Variants in NEK6 observed in about 807,000 individuals in gnomAD.
NEK6 encodes the protein serine/threonine-protein kinase Nek6.
A neutral mutation model predicts 43.5 loss-of-function variants in NEK6; 27 were observed. The observed-to-expected ratio is 0.62, with a 90% CI of 0.46 to 0.86. The LOEUF is 0.86. NEK6 is among the 40% of genes least tolerant of loss of function. NEK6 has a pLI of 0.00. For synonymous variants in NEK6, 167 were observed against 164.1 expected (o/e 1.02, Z -0.14); for missense variants, 318 against 414.4 (o/e 0.77, Z 2.02).
intron 1 of NEK6, among the ~76,000 whole-genome samples, chr9:124,280,863 G>A (rs1396638242): frequency 1.3e-5 from 2 of 152,110 alleles, no homozygotes; most frequent in East Asian, 3.8e-4. Flanking sequence ...CGTGATCTCG[G>A]CTCACTGCAG....
intron 2 of NEK6, among the ~76,000 whole-genome samples, chr9:124,310,992 G>A (rs2130852322): frequency 6.6e-6 from 1 of 152,338 alleles, no homozygotes; most frequent in South Asian, 2.1e-4. Flanking sequence ...CACATAACCA[G>A]GTTCCCCTCA....
At chr9:124,346,716 C>T (rs1829946782) in intron 8 of NEK6, among the ~76,000 whole-genome samples, 1 of 152,142 alleles carries the variant, frequency 6.6e-6, no homozygotes, top group South Asian at 2.1e-4. Flanking sequence ...GCCACTGTGG[C>T]CCCTGCACAC....
intron 8 of NEK6, among the ~76,000 whole-genome samples, chr9:124,345,499 G>A (rs2131083847): frequency 6.6e-6 from 1 of 152,344 alleles, no homozygotes; most frequent in South Asian, 2.1e-4. Flanking sequence ...AAAGAGCAGA[G>A]ACATGATGGG....
At chr9:124,308,259 C>T (rs1349109372) in intron 2 of NEK6, among the ~76,000 whole-genome samples, 3 of 152,188 alleles carry the variant, frequency 2.0e-5, no homozygotes, top group Non-Finnish European at 4.4e-5. Context: ...CAGTGGTTAC[C>T]CCTCTGCCAA....
At chr9:124,333,473 G>C (rs1829124128) in intron 7 of NEK6, among the ~76,000 whole-genome samples, 1 of 152,222 alleles carries the variant, frequency 6.6e-6, no homozygotes, top group Admixed American at 6.5e-5. Flanking sequence ...TGAGGACCCT[G>C]TGCTGCCAGG....
intron 1 of NEK6, among the ~76,000 whole-genome samples, chr9:124,299,014 C>A (rs989071778): frequency 6.6e-6 from 1 of 152,234 alleles, no homozygotes; most frequent in Non-Finnish European, 1.5e-5. Context: ...TTGGAGAATG[C>A]GGTCAGCGCC....
At chr9:124,259,802 A>G (rs75013323) in intron 1 of NEK6, among the ~76,000 whole-genome samples, 290 of 152,338 alleles carry the variant, frequency 1.9e-3, no homozygotes, top group Middle Eastern at 0.014. Flanking sequence ...TGCTTCGGAA[A>G]TGACTAAAAA....
At chr9:124,336,570 C>T (rs1001532180) in intron 7 of NEK6, among the ~76,000 whole-genome samples, 1 of 152,224 alleles carries the variant, frequency 6.6e-6, no homozygotes, top group African/African-American at 2.4e-5. Context: ...TCCCCTCTTC[C>T]TCATGTCACA....
chr9:124,285,392 C>G (rs189986263), intron 1 of NEK6, among the ~76,000 whole-genome samples: 1 of 152,132 alleles, frequency 6.6e-6, no homozygotes, highest in African/African-American at 2.4e-5. Context: ...TCTCAGAGGC[C>G]GACCTGCATG....
At chr9:124,280,503 A>G (rs554947227) in intron 1 of NEK6, among the ~76,000 whole-genome samples, 1 of 152,306 alleles carries the variant, frequency 6.6e-6, no homozygotes, top group African/African-American at 2.4e-5. Flanking sequence ...TGGAGAAGAA[A>G]CATTCCTCAC....
chr9:124,349,472 G>A (rs936196604), intron 9 of NEK6, among the ~76,000 whole-genome samples: 10 of 152,144 alleles, frequency 6.6e-5, no homozygotes, highest in East Asian at 1.9e-4. Flanking sequence ...TCCTGGCCAC[G>A]AGCCCCCACT....
chr9:124,331,222 C>T lies in NEK6; in HGVS notation c.622+3777C>T, dbSNP rs368327703. Among the ~76,000 whole-genome samples, 25 of 129,088 alleles carry T rather than the reference C, an allele frequency of 1.9e-4. No homozygotes were observed. The East Asian group carries it at 3.8e-3, about 19-fold the overall frequency. 84.7% of individuals were successfully genotyped at this position (129,088 alleles called of 152,430 possible). On this transcript the variant is annotated intron_variant, in intron 7 of 9. Transcript: ENST00000320246. ...TGAAGGTTGCAGTCAGCTGAGATGGCGCCATTGCACTTCAGCCTGGGCGAG... is the reference window on the plus strand; with the variant it reads ...TGAAGGTTGCAGTCAGCTGAGATGGTGCCATTGCACTTCAGCCTGGGCGAG...
intron 1 of NEK6, among the ~76,000 whole-genome samples, chr9:124,270,966 A>C (rs1481698334): frequency 6.6e-6 from 1 of 152,236 alleles, no homozygotes; most frequent in Non-Finnish European, 1.5e-5. Flanking sequence ...CATAGCACCC[A>C]CACACACATT....
At chr9:124,327,261 C>T (rs941471747) in intron 6 of NEK6, 77 bp from the exon 7 acceptor site, 4 of 1,199,572 alleles carry the variant, frequency 3.3e-6, no homozygotes, top group Non-Finnish European at 4.9e-6. Flanking sequence ...CCTCACCTTC[C>T]TCCCCCTTCC....
rs918651489 is a variant in NEK6 at position 124,326,812 on chromosome 9, A to T, written c.514+374A>T. Among the ~76,000 whole-genome samples, 1 of 152,094 alleles carries T rather than the reference A, an allele frequency of 6.6e-6. No individual in the cohort carries two copies. Among genetic ancestry groups the T allele is most frequent in the Non-Finnish European group, 1.5e-5 (1 of 68,012 alleles). The stretch of plus-strand genomic sequence containing the variant: ...GAGGGGTGTTTCCACAGTTGACATG[A>T]TTCCGAGTTGTGAGAAAGGAGCCTG... On this transcript the variant is annotated intron_variant, in intron 6 of 9. Coordinates refer to ENST00000320246, the MANE Select transcript of NEK6 (RefSeq NM_014397.6). This position sits in a 1 kb window ranked among gnomAD's most constrained non-coding sequence, Gnocchi z 4.5.
intron 9 of NEK6, among the ~76,000 whole-genome samples, chr9:124,348,291 C>G (rs1294766121): frequency 6.6e-6 from 1 of 152,172 alleles, no homozygotes; most frequent in South Asian, 2.1e-4. Flanking sequence ...GACTTAACAC[C>G]CTGGGCTTCT....
intron 1 of NEK6, among the ~76,000 whole-genome samples, chr9:124,265,345 A>C (rs1230243468): frequency 6.6e-6 from 1 of 152,144 alleles, no homozygotes; most frequent in African/African-American, 2.4e-5. Flanking sequence ...AATATGGTGA[A>C]ACCCCATCTC....
intron 1 of NEK6, among the ~76,000 whole-genome samples, chr9:124,295,703 G>T (rs1317298947): frequency 6.6e-6 from 1 of 152,218 alleles, no homozygotes; most frequent in Non-Finnish European, 1.5e-5. Context: ...CACCTGCCTG[G>T]CGCATGTGTG....
chr9:124,273,639 C>T (rs1276690307), intron 1 of NEK6, among the ~76,000 whole-genome samples: 2 of 152,174 alleles, frequency 1.3e-5, no homozygotes, highest in Non-Finnish European at 2.9e-5. Context: ...AGTCCTTAAA[C>T]GGCAAAGAAA....
Sources: allele counts gnomAD v4.1 joint callset (sites outside exome capture counted in the v4.1 genomes callset), GRCh38; gene constraint gnomAD v4.1.1; non-coding constraint Gnocchi (gnomAD v3.1); transcripts MANE v1.5; gene names NCBI Gene and HGNC (gene_info 2026-07-23, HGNC 2026-07-21).